RFFL: variants seen among roughly 807,000 people sequenced by gnomAD.
The protein encoded by RFFL is E3 ubiquitin-protein ligase rififylin.
RFFL carries 16 observed loss-of-function variants against 40.4 expected under a neutral mutation model. The observed-to-expected ratio is 0.40, with a 90% CI of 0.27 to 0.60. RFFL has a LOEUF of 0.60. Ranked by LOEUF, RFFL falls within the 20% of genes least tolerant of loss-of-function variation. RFFL has a pLI of 0.47. For missense variants in RFFL, 367 were observed against 451.7 expected (o/e 0.81, Z 1.70); for synonymous variants, 154 against 167.9 (o/e 0.92, Z 0.64).
intron 1 of RFFL, among the ~76,000 whole-genome samples, chr17:35,083,914 T>G (rs2091415849): frequency 6.6e-6 from 1 of 151,412 alleles, no homozygotes; most frequent in African/African-American, 2.4e-5. Flanking sequence ...AAACGGTGGT[T>G]CCCAAACTTG....
intron 1 of RFFL, among the ~76,000 whole-genome samples, chr17:35,035,807 G>A (rs1230052220): frequency 2.0e-5 from 3 of 151,854 alleles, no homozygotes; most frequent in African/African-American, 7.3e-5. Flanking sequence ...GGGTTCAAGC[G>A]ATTCTCCTGC....
chr17:35,084,877 G>A (rs919253562), intron 1 of RFFL, among the ~76,000 whole-genome samples: 1 of 147,870 alleles, frequency 6.8e-6, no homozygotes, highest in Non-Finnish European at 1.5e-5. Context: ...CCGAGATCCC[G>A]CCACTGCACT....
Position 35,014,243 on chromosome 17 carries a change from CAT to C in RFFL, c.910+495_910+496del, listed in dbSNP as rs371361119. 1.7e-3 allele frequency among the ~76,000 whole-genome samples: 260 copies of C among 152,202 alleles called. 1 individual carries two copies. The highest frequency in any genetic ancestry group is 6.1e-3 in the African/African-American group (253 of 41,518). On this transcript the variant is annotated intron_variant, in intron 6 of 6. Coordinates refer to ENST00000394597, the MANE Select transcript of RFFL (RefSeq NM_001017368.2). ...TATAGCTTGTGCCCAGAGAGTAGCA[CAT>C]GTGTTAGCTCCAGAGTAGCTCTAAC...
In RFFL at chr17:35,013,350, A is replaced by G. The variant is rs532693663; in HGVS notation, c.911-1201T>C. Among the ~76,000 whole-genome samples, 3 of 152,374 alleles carry G rather than the reference A, an allele frequency of 2.0e-5. No homozygotes were observed. In the South Asian group the frequency reaches 6.2e-4, roughly 32 times the overall value. ...ATGCTAACTGGCTTGTGTCACTAGC[A>G]GAATATAGTGGGCATGACCAGTATC... On this transcript the variant is annotated intron_variant, in intron 6 of 6. Transcript: ENST00000394597.
chr17:35,072,155 C>T (rs1378622767), intron 1 of RFFL, among the ~76,000 whole-genome samples: 1 of 151,844 alleles, frequency 6.6e-6, no homozygotes, highest in Non-Finnish European at 1.5e-5. Flanking sequence ...GTGGTGCACA[C>T]CTGTAGTCTC....
At chr17:35,069,075 G>A (rs532584252) in intron 1 of RFFL, among the ~76,000 whole-genome samples, 11 of 152,172 alleles carry the variant, frequency 7.2e-5, no homozygotes, top group East Asian at 1.9e-4. Flanking sequence ...CTACCTTGCC[G>A]CAGTAACCAT....
At chr17:35,015,531 C>T (rs945867292) in intron 5 of RFFL, among the ~76,000 whole-genome samples, 1 of 152,166 alleles carries the variant, frequency 6.6e-6, no homozygotes. Flanking sequence ...CAGTAGGCCT[C>T]AGTCTGTAAT....
upstream of RFFL, among the ~76,000 whole-genome samples, chr17:35,064,960 A>G (rs1459430726): frequency 6.6e-6 from 1 of 152,212 alleles, no homozygotes; most frequent in East Asian, 1.9e-4. Flanking sequence ...TTGATAAGGT[A>G]TTATAAAATG....
chr17:35,016,655 G>GT, intron 4 of RFFL, 75 bp from the exon 5 acceptor site: 1 of 1,198,168 alleles, frequency 8.3e-7, no homozygotes, highest in Non-Finnish European at 1.2e-6. Flanking sequence ...CCCCAAAGCA[G>GT]TCACCACATC....
rs556206628 is a variant in RFFL, at chr17:35,034,603, A to G, written c.-8-8042T>C. Among the ~76,000 whole-genome samples, 649 of 151,054 alleles carry G rather than the reference A, an allele frequency of 4.3e-3. 3 individuals are homozygous for G. The highest frequency in any genetic ancestry group is 7.4e-3 in the Non-Finnish European group (500 of 67,826). ...GAGTACAATGGCGCGATCTTGGCTC[A>G]CTGCAACCGCCACCTCCCATGTTAA... On this transcript the variant is annotated intron_variant, in intron 1 of 6. Coordinates refer to ENST00000394597, the MANE Select transcript of RFFL (RefSeq NM_001017368.2).
intron 6 of RFFL, among the ~76,000 whole-genome samples, chr17:35,014,531 T>C (rs569973056): frequency 1.0e-3 from 152 of 152,328 alleles, no homozygotes; most frequent in African/African-American, 3.6e-3. Flanking sequence ...AGTCCGCCCC[T>C]ACGTATGCTC....
rs781093287 is a variant in RFFL, at chr17:35,007,736, CT to C, written c.*4231del. The C allele has an allele frequency of 3.4e-3, 486 of 143,962 alleles. No homozygotes were observed. Among genetic ancestry groups the C allele is most frequent in the Non-Finnish European group, 3.6e-3 (233 of 65,046 alleles). 8.9% of individuals were successfully genotyped at this position (143,962 alleles called of 1,614,324 possible). A position where few individuals can be genotyped will look rare whatever the true frequency, so the allele number is the denominator to read the frequency against. The stretch of plus-strand genomic sequence containing the variant: ...CAGTCTGTCACGAGGCTGGGCCAAC[CT>C]TTTTTTTTTTTTTAAACAGACTCTT... On this transcript the variant is annotated 3_prime_UTR_variant, in exon 7 of 7. Transcript: ENST00000394597.
chr17:35,025,909 C>T (rs184494945), intron 2 of RFFL, among the ~76,000 whole-genome samples: 3 of 152,340 alleles, frequency 2.0e-5, no homozygotes, highest in East Asian at 1.9e-4. Context: ...GCATCCTTAA[C>T]GTTGCTTTTG....
In RFFL at chr17:35,033,088, G is replaced by T. The variant is rs950710964; in HGVS notation, c.-8-6527C>A. 1.3e-5 allele frequency among the ~76,000 whole-genome samples: 2 copies of T among 152,036 alleles called. 1 individual carries two copies. Among genetic ancestry groups the T allele is most frequent in the African/African-American group, 4.8e-5 (2 of 41,304 alleles). On this transcript the variant is annotated intron_variant, in intron 1 of 6. Coordinates refer to ENST00000394597, the MANE Select transcript of RFFL (RefSeq NM_001017368.2). ...ACTGTAAAATGAAAGGAAGAGAGGA[G>T]GCAGTTGCTAAAGAAGATCCAGTGT...
intron 1 of RFFL, among the ~76,000 whole-genome samples, chr17:35,056,851 A>G (rs2091264347): frequency 1.3e-5 from 2 of 152,070 alleles, no homozygotes; most frequent in South Asian, 4.1e-4. Context: ...ATTTAGAAAA[A>G]GAATCTTTGC....
chr17:35,040,426 AC>A (rs1361889878), intron 1 of RFFL, among the ~76,000 whole-genome samples: 1 of 151,708 alleles, frequency 6.6e-6, no homozygotes, highest in Non-Finnish European at 1.5e-5. Flanking sequence ...ACATGGTGAA[AC>A]CCCGTCTCTA....
At position 35,010,481 on chromosome 17, in the gene RFFL, T is replaced by G. The variant is rs2090929879; in HGVS notation, c.*1487A>C. The stretch of plus-strand genomic sequence containing the variant: ...AGAAAATGGTTTCTCCTGCTGGGTG[T>G]GGTGGCTCACGCCTGTAATCCCAGC... On this transcript the variant is annotated 3_prime_UTR_variant, in exon 7 of 7. Transcript: ENST00000394597. 6.6e-6 allele frequency: 1 copy of G among 152,164 alleles called. No homozygotes were observed. Among genetic ancestry groups the G allele is most frequent in the Admixed American group, 6.6e-5 (1 of 15,258 alleles). 9.4% of individuals were successfully genotyped at this position (152,164 alleles called of 1,614,324 possible).
chr17:35,055,328 T>C (rs2091254320), intron 1 of RFFL, among the ~76,000 whole-genome samples: 1 of 152,050 alleles, frequency 6.6e-6, no homozygotes, highest in South Asian at 2.1e-4. Flanking sequence ...AATTCTTCAT[T>C]ATGAAGCTGT....
At chr17:35,052,520 G>A (rs2091237716) in intron 1 of RFFL, among the ~76,000 whole-genome samples, 1 of 152,096 alleles carries the variant, frequency 6.6e-6, no homozygotes, top group African/African-American at 2.4e-5. Flanking sequence ...GTGGTAAAGA[G>A]AAGTTCAGTG....
Sources: gnomAD v4.1 joint callset for allele counts (sites outside exome capture counted in the v4.1 genomes callset) on GRCh38, gnomAD v4.1.1 for gene constraint, MANE v1.5 for transcripts, NCBI Gene and HGNC (gene_info 2026-07-23, HGNC 2026-07-21) for gene names.